The following CNBD1 variants were observed in gnomAD, a reference collection of about 807,000 sequenced individuals.
CNBD1 encodes cyclic nucleotide-binding domain-containing protein 1.
CNBD1 carries 71 observed loss-of-function variants against 54.4 expected under a neutral mutation model. The ratio of observed to expected loss-of-function variants is 1.30; its 90% CI spans 1.08 to 1.59. The LOEUF is 1.59. Ranked by LOEUF, CNBD1 falls within the 40% of genes most tolerant of loss-of-function variation. The pLI, the probability that CNBD1 is intolerant of heterozygous loss-of-function variation, is 0.00. For missense variants in CNBD1, 659 were observed against 518.0 expected (o/e 1.27, Z -2.64); for synonymous variants, 182 against 170.7 (o/e 1.07, Z -0.51).
intron 3 of CNBD1, among the ~76,000 whole-genome samples, chr8:86,935,184 C>T (rs184931802): frequency 8.6e-4 from 131 of 152,118 alleles, no homozygotes; most frequent in Middle Eastern, 3.4e-3. Flanking sequence ...TACAGGCACC[C>T]ACCACCATGC....
At chr8:87,076,545 C>A (rs927162478) in intron 4 of CNBD1, among the ~76,000 whole-genome samples, 1 of 151,904 alleles carries the variant, frequency 6.6e-6, no homozygotes, top group Non-Finnish European at 1.5e-5. Flanking sequence ...TGGGTTCAAG[C>A]GATTCTCCTG....
chr8:87,125,256 A>G (rs1309273899), intron 4 of CNBD1, among the ~76,000 whole-genome samples: 1 of 151,754 alleles, frequency 6.6e-6, no homozygotes, highest in Non-Finnish European at 1.5e-5. Context: ...TCAAAATGCC[A>G]ATATCATTTT....
At chr8:87,012,498 T>C (rs181903588) in intron 4 of CNBD1, among the ~76,000 whole-genome samples, 119 of 152,300 alleles carry the variant, frequency 7.8e-4, no homozygotes, top group African/African-American at 2.8e-3. Context: ...CCCTGCAAAG[T>C]CTCTGGTGGG....
intron 10 of CNBD1, among the ~76,000 whole-genome samples, chr8:87,372,037 G>T (rs992509149): frequency 6.6e-6 from 1 of 152,034 alleles, no homozygotes; most frequent in Admixed American, 6.6e-5. Context: ...AGGAAAAGAG[G>T]AAGTCAAATT....
intron 8 of CNBD1, among the ~76,000 whole-genome samples, chr8:87,343,142 T>C (rs1586031199): frequency 6.6e-6 from 1 of 152,194 alleles, no homozygotes; most frequent in African/African-American, 2.4e-5. Context: ...AATATGGCTG[T>C]ATTCTGCCCA....
chr8:87,172,187 A>G (rs1311010440), intron 4 of CNBD1, among the ~76,000 whole-genome samples: 1 of 151,978 alleles, frequency 6.6e-6, no homozygotes, highest in African/African-American at 2.4e-5. Context: ...AATAATAAGA[A>G]TTCTTCTTGT....
intron 4 of CNBD1, among the ~76,000 whole-genome samples, chr8:87,122,487 T>C (rs1189479937): frequency 6.6e-6 from 1 of 151,922 alleles, no homozygotes; most frequent in Non-Finnish European, 1.5e-5. Context: ...ATTCTGTGGA[T>C]TGCCTCTTCA....
chr8:87,188,757 A>T (rs540219628), intron 4 of CNBD1, among the ~76,000 whole-genome samples: 60 of 151,452 alleles, frequency 4.0e-4, no homozygotes, highest in Admixed American at 1.2e-3. Context: ...TCAAAAAAAA[A>T]AAAAAATAAA....
At chr8:87,102,756 G>A (rs1811456301) in intron 4 of CNBD1, among the ~76,000 whole-genome samples, 1 of 152,060 alleles carries the variant, frequency 6.6e-6, no homozygotes, top group African/African-American at 2.4e-5. Context: ...TGGGACTACA[G>A]GCACCTGCCA....
At chr8:87,019,256 A>C (rs1374266342) in intron 4 of CNBD1, among the ~76,000 whole-genome samples, 1 of 152,062 alleles carries the variant, frequency 6.6e-6, no homozygotes, top group Non-Finnish European at 1.5e-5. Flanking sequence ...AATAGTTTAA[A>C]AAAGTCACAA....
At chr8:87,210,170 T>A (rs987645416) in intron 5 of CNBD1, among the ~76,000 whole-genome samples, 1 of 152,210 alleles carries the variant, frequency 6.6e-6, no homozygotes, top group Non-Finnish European at 1.5e-5. Context: ...AGCAACAAAG[T>A]GATCAAGATA....
At chr8:87,263,573 A>G (rs904815931) in intron 6 of CNBD1, among the ~76,000 whole-genome samples, 4 of 152,200 alleles carry the variant, frequency 2.6e-5, no homozygotes, top group Admixed American at 6.6e-5. Flanking sequence ...TTTACATTAT[A>G]TTCACATAGA....
chr8:87,413,481 G>A (rs1365337166), intron 2 of CNBD1, among the ~76,000 whole-genome samples: 4 of 152,022 alleles, frequency 2.6e-5, no homozygotes, highest in Admixed American at 6.6e-5. Flanking sequence ...AGCCTAAAGA[G>A]CTTAGCCACT....
chr8:87,281,557 T>TATAC (rs1563536644), intron 6 of CNBD1, among the ~76,000 whole-genome samples: 2 of 6,686 alleles, frequency 3.0e-4, no homozygotes, highest in African/African-American at 1.2e-3. Context: ...TATATATATA[T>TATAC]ATATATATAT....
At chr8:87,309,811 C>A (rs189303807) in intron 8 of CNBD1, among the ~76,000 whole-genome samples, 1 of 151,856 alleles carries the variant, frequency 6.6e-6, no homozygotes, top group East Asian at 1.9e-4. Flanking sequence ...TCTAAAAGTA[C>A]CATATTGAAA....
chr8:87,318,720 T>A (rs995462956), intron 8 of CNBD1, among the ~76,000 whole-genome samples: 1 of 151,944 alleles, frequency 6.6e-6, no homozygotes, highest in African/African-American at 2.4e-5. Context: ...AGGGGGGGCA[T>A]TGGATAATTG....
Position 87,166,872 on chromosome 8 carries a change from GTAACTATATATT to G in CNBD1, c.432-39117_432-39106del, listed in dbSNP as rs1812974096. 6.6e-6 allele frequency among the ~76,000 whole-genome samples: 1 copy of G among 151,794 alleles called. No homozygotes were observed. The highest frequency in any genetic ancestry group is 2.1e-4 in the South Asian group (1 of 4,820). On this transcript the variant is annotated intron_variant, in intron 4 of 10. Coordinates refer to ENST00000518476, the MANE Select transcript of CNBD1 (RefSeq NM_173538.3). The surrounding 1 kb of genome is among the most constrained non-coding windows in gnomAD (Gnocchi z 4.3). ...ATTGTTCTATTTTCCAGTATAGTATGTAACTATATATTTAATTTTTTTATTACAAAGGGAATT... is the reference window on the plus strand; with the variant it reads ...ATTGTTCTATTTTCCAGTATAGTATGTAATTTTTTTATTACAAAGGGAATT...
intron 4 of CNBD1, among the ~76,000 whole-genome samples, chr8:87,164,721 T>TA (rs1812926531): frequency 6.6e-6 from 1 of 151,582 alleles, no homozygotes; most frequent in Non-Finnish European, 1.5e-5. Flanking sequence ...TTTATCTTGT[T>TA]AAAAAATCTC....
chr8:87,083,658 G>A (rs1298451424), intron 4 of CNBD1, among the ~76,000 whole-genome samples: 4 of 146,280 alleles, frequency 2.7e-5, no homozygotes, highest in African/African-American at 1.0e-4. Flanking sequence ...GCTGGATCTC[G>A]GCTAAGTGCA....
Sources: gnomAD v4.1 joint callset for allele counts (sites outside exome capture counted in the v4.1 genomes callset) on GRCh38, gnomAD v4.1.1 for gene constraint, Gnocchi (gnomAD v3.1) non-coding constraint, MANE v1.5 for transcripts, NCBI Gene and HGNC (gene_info 2026-07-23, HGNC 2026-07-21) for gene names.